The following ZMAT4 variants were observed in gnomAD, a reference collection of about 807,000 sequenced individuals.
The protein encoded by ZMAT4 is zinc finger matrin-type protein 4.
A neutral mutation model predicts 28.7 loss-of-function variants in ZMAT4; 17 were observed. The observed-to-expected ratio is 0.59, with a 90% CI of 0.41 to 0.89. The LOEUF is 0.89. ZMAT4 is among the 40% of genes least tolerant of loss of function. The probability of loss-of-function intolerance (pLI) is 0.00; values close to 1 mark genes in which losing one functional copy is unlikely to be tolerated. For synonymous variants in ZMAT4, 117 were observed against 109.2 expected, an observed-to-expected ratio of 1.07 and a Z score of -0.44; for missense variants, 240 against 283.8, an observed-to-expected ratio of 0.85 and a Z score of 1.11.
intron 2 of ZMAT4, among the ~76,000 whole-genome samples, chr8:40,798,378 G>T (rs1000886340): frequency 6.6e-6 from 1 of 152,170 alleles, no homozygotes; most frequent in African/African-American, 2.4e-5. Flanking sequence ...CCAATGCCAG[G>T]CTCTTTAATG....
intron 3 of ZMAT4, among the ~76,000 whole-genome samples, chr8:40,713,352 C>T (rs950013307): frequency 2.7e-5 from 4 of 150,866 alleles, no homozygotes; most frequent in African/African-American, 9.8e-5. Context: ...GAAAACAGTT[C>T]AAAACATAAA....
chr8:40,737,983 A>G (rs1007344420), intron 3 of ZMAT4, among the ~76,000 whole-genome samples: 17 of 152,122 alleles, frequency 1.1e-4, no homozygotes, highest in African/African-American at 4.1e-4. Context: ...GGATGCTGGC[A>G]AAAGACTGGT....
intron 6 of ZMAT4, among the ~76,000 whole-genome samples, chr8:40,577,407 A>C (rs1804303803): frequency 6.6e-6 from 1 of 152,190 alleles, no homozygotes; most frequent in Non-Finnish European, 1.5e-5. Context: ...ACATTATGTT[A>C]AGTGAAATAG....
At chr8:40,681,207 G>A (rs183225501) in intron 4 of ZMAT4, among the ~76,000 whole-genome samples, 23 of 152,232 alleles carry the variant, frequency 1.5e-4, no homozygotes, top group Admixed American at 7.9e-4. Context: ...ATGTCAACTC[G>A]TTTCCAATAA....
intron 5 of ZMAT4, among the ~76,000 whole-genome samples, chr8:40,667,194 C>T (rs1408102894): frequency 2.0e-5 from 3 of 151,188 alleles, no homozygotes; most frequent in East Asian, 1.9e-4. Context: ...CTCGCTCTGT[C>T]GCCTAGGCTG....
At chr8:40,882,181 G>T (rs1284429623) in intron 1 of ZMAT4, among the ~76,000 whole-genome samples, 1 of 152,176 alleles carries the variant, frequency 6.6e-6, no homozygotes, top group East Asian at 1.9e-4. Context: ...TCGTTCACTT[G>T]ATTCAGCTCA....
intron 3 of ZMAT4, among the ~76,000 whole-genome samples, chr8:40,717,404 C>T (rs1810902564): frequency 6.6e-6 from 1 of 152,142 alleles, no homozygotes; most frequent in Non-Finnish European, 1.5e-5. Flanking sequence ...CCTGTAATCC[C>T]AGCACTTTGG....
rs1181214235 is a variant in ZMAT4, at chr8:40,708,604, T to TCA, written c.193-11204_193-11203insTG. ...CTCTCTCTCTCTCTCTCTCTCTCTC[T>TCA]CTCTCTCAAAGAAGCTCTGTTAAGT... On this transcript the variant is annotated intron_variant, in intron 3 of 6. Transcript: ENST00000297737. 2.0e-5 allele frequency among the ~76,000 whole-genome samples: 3 copies of TCA among 147,260 alleles called. No individual in the cohort carries two copies. The East Asian group carries it at 6.0e-4, about 30-fold the overall frequency.
chr8:40,548,344 C>G (rs1270277374), intron 6 of ZMAT4, among the ~76,000 whole-genome samples: 1 of 152,062 alleles, frequency 6.6e-6, no homozygotes, highest in Non-Finnish European at 1.5e-5. Flanking sequence ...AAGCATATAG[C>G]TATCTCCTGG....
At chr8:40,539,138 T>C (rs1428651534) in intron 6 of ZMAT4, among the ~76,000 whole-genome samples, 1 of 152,184 alleles carries the variant, frequency 6.6e-6, no homozygotes, top group Admixed American at 6.5e-5. Context: ...CCATGTCACA[T>C]TGCAATATTT....
At chr8:40,818,837 G>A (rs1026748384) in intron 2 of ZMAT4, among the ~76,000 whole-genome samples, 4 of 152,120 alleles carry the variant, frequency 2.6e-5, no homozygotes, top group Non-Finnish European at 5.9e-5. Context: ...TGCTTACTTC[G>A]GGCTATTAGA....
chr8:40,538,982 C>T (rs2565107), intron 6 of ZMAT4, among the ~76,000 whole-genome samples: 95,365 of 151,902 alleles, frequency 0.63, 33,791 homozygotes, highest in East Asian at 0.79. Context: ...GACGGGGGTT[C>T]ACCATGTTAG....
chr8:40,801,926 A>G (rs1317891055), intron 2 of ZMAT4, among the ~76,000 whole-genome samples: 2 of 152,194 alleles, frequency 1.3e-5, no homozygotes, highest in Non-Finnish European at 2.9e-5. Flanking sequence ...TCAACATTTA[A>G]AAATCAATTA....
chr8:40,653,645 C>A (rs1461932052), intron 5 of ZMAT4, among the ~76,000 whole-genome samples: 1 of 151,824 alleles, frequency 6.6e-6, no homozygotes, highest in African/African-American at 2.4e-5. Flanking sequence ...AAATTGCATG[C>A]CAATAAATAA....
intron 6 of ZMAT4, among the ~76,000 whole-genome samples, chr8:40,562,325 C>T (rs1014409540): frequency 1.3e-5 from 2 of 152,120 alleles, no homozygotes; most frequent in African/African-American, 4.8e-5. Context: ...CTCAGAAATC[C>T]CATCATCAAT....
At position 40,585,917 on chromosome 8, in the gene ZMAT4, T is replaced by C. The variant is rs72636931; in HGVS notation, c.578-4656A>G. On this transcript the variant is annotated intron_variant, in intron 5 of 6. Coordinates refer to ENST00000297737, the MANE Select transcript of ZMAT4 (RefSeq NM_024645.3). ...TAACAAATAGAGGTTCAGCTTGCAA[T>C]AGGCATAAATATTTATGTTTAAAAA... 2.0e-4 allele frequency among the ~76,000 whole-genome samples: 30 copies of C among 152,330 alleles called. No individual in the cohort carries two copies. The East Asian group carries it at 5.6e-3, about 28-fold the overall frequency.
intron 1 of ZMAT4, among the ~76,000 whole-genome samples, chr8:40,835,069 C>T (rs1816428028): frequency 6.6e-6 from 1 of 152,210 alleles, no homozygotes; most frequent in African/African-American, 2.4e-5. Context: ...ACTCCAGCAC[C>T]TTCTCCAGTC....
At chr8:40,895,846 C>CTGGG (rs1818850344) in intron 1 of ZMAT4, among the ~76,000 whole-genome samples, 1 of 152,200 alleles carries the variant, frequency 6.6e-6, no homozygotes, top group Admixed American at 6.5e-5. Context: ...CCCCCACGTG[C>CTGGG]TGGGGGCTGC....
intron 1 of ZMAT4, 139 bp from the exon 2 acceptor site, chr8:40,825,819 C>T (rs872054): frequency 0.28 from 173,879 of 617,468 alleles, 28,374 homozygotes; most frequent in Middle Eastern, 0.35. Context: ...ACACTCTTGA[C>T]GTTATCATAT....
Sources: gnomAD v4.1 joint callset for allele counts (sites outside exome capture counted in the v4.1 genomes callset) on GRCh38, gnomAD v4.1.1 for gene constraint, MANE v1.5 for transcripts, NCBI Gene and HGNC (gene_info 2026-07-23, HGNC 2026-07-21) for gene names.